The following PRR12 variants were observed in gnomAD, a reference collection of about 807,000 sequenced individuals.
PRR12 encodes proline rich 12.
A neutral mutation model predicts 138.0 loss-of-function variants in PRR12; 12 were observed. The ratio of observed to expected loss-of-function variants is 0.09; its 90% CI spans 0.06 to 0.14. The LOEUF (loss-of-function observed/expected upper bound fraction) is 0.14. Among genes scored for constraint, PRR12 ranks in the 10% least tolerant of loss-of-function variants. The probability of loss-of-function intolerance (pLI) is 1.00; values close to 1 mark genes in which losing one functional copy is unlikely to be tolerated. For missense variants in PRR12, 2,692 were observed against 2,861.3 expected, an observed-to-expected ratio of 0.94 and a Z score of 1.35; for synonymous variants, 1,567 against 1,291.7, an observed-to-expected ratio of 1.21 and a Z score of -4.57.
rs1419855208 is a variant in PRR12 at position 49,597,475 on chromosome 19, C to T, written c.3140C>T (p.Pro1047Leu). 2 of 1,544,988 alleles carry T rather than the reference C, an allele frequency of 1.3e-6. No individual in the cohort carries two copies. Among genetic ancestry groups the T allele is most frequent in the Non-Finnish European group, 1.7e-6 (2 of 1,146,832 alleles). ...CCACCACCCCCGCCTCCGCCACCGC[C>T]GCCTCCCGCGCCGGCCTCCGAACCC... ...AAPPPPPPPP[P>L]PPAPASEPKG... The change falls in exon 4 of 14, where the codon CCG (proline) becomes CTG (leucine). Residue 1047 changes from proline to leucine, a missense_variant. Physicochemically the swap from Pro to Leu is moderately conservative, Grantham distance 98 (BLOSUM62 -3). Coordinates refer to ENST00000418929, the MANE Select transcript of PRR12 (RefSeq NM_020719.3). The surrounding 1 kb of genome is among the most constrained non-coding windows in gnomAD (Gnocchi z 6.3).
At position 49,595,550 on chromosome 19, in the gene PRR12, GC is replaced by G. The variant is rs763575972; in HGVS notation, c.1223del (p.Pro408HisfsTer62). 8.8e-6 allele frequency: 14 copies of G among 1,582,380 alleles called. No homozygotes were observed. Among genetic ancestry groups the G allele is most frequent in the East Asian group, 6.9e-5 (3 of 43,190 alleles). ...YGAAAGGATR[P>X]PPPRSTATPK... is the part of the protein sequence containing the mutation. ...GAGCAGCTGCCGGGGGTGCCACCAG[GC>G]CCCCCCCACCCCGTTCGACCGCCAC... On this transcript the variant is annotated frameshift_variant, in exon 4 of 14. Transcript: ENST00000418929. LOFTEE classifies it high-confidence loss of function.
At chr19:49,621,835 C>G (rs1389743147) in intron 11 of PRR12, 5 of 568,186 alleles carry the variant, frequency 8.8e-6, no homozygotes, top group Non-Finnish European at 1.6e-5. Flanking sequence ...GGCCTTGGGG[C>G]AGCAGAGGGG....
At chr19:49,620,193 C>T (rs1040094825) in intron 9 of PRR12, among the ~76,000 whole-genome samples, 159 bp from the exon 10 acceptor site, 4 of 152,158 alleles carry the variant, frequency 2.6e-5, no homozygotes, top group Non-Finnish European at 4.4e-5. Flanking sequence ...CACAAGAGCA[C>T]GTGGCACTGG....
chr19:49,600,383 T>C (rs560552930), intron 5 of PRR12, among the ~76,000 whole-genome samples: 1 of 151,806 alleles, frequency 6.6e-6, no homozygotes, highest in African/African-American at 2.4e-5. Flanking sequence ...TAGGTTGTGC[T>C]CTGGTTTTGG....
chr19:49,594,320 G>T lies in PRR12; in HGVS notation c.200-134G>T. On this transcript the variant is annotated intron_variant, in intron 2 of 13. Coordinates refer to ENST00000418929, the MANE Select transcript of PRR12 (RefSeq NM_020719.3). This position sits in a 1 kb window ranked among gnomAD's most constrained non-coding sequence, Gnocchi z 5.6. The stretch of plus-strand genomic sequence containing the variant: ...TCATTAGCTTGGTTCTATCCATCTT[G>T]TTTTTGAATTTGCCCTTTTCTCTCC... 1 of 746,672 alleles carries T rather than the reference G, an allele frequency of 1.3e-6. No individual in the cohort carries two copies. The highest frequency in any genetic ancestry group is 2.0e-5 in the South Asian group (1 of 50,466). The allele number at this position is 746,672 out of a possible 1,614,324, so 46.3% of individuals were successfully genotyped here. A position where few individuals can be genotyped will look rare whatever the true frequency, so the allele number is the denominator to read the frequency against.
intron 6 of PRR12, among the ~76,000 whole-genome samples, chr19:49,605,355 C>T (rs903677619): frequency 6.6e-6 from 1 of 151,994 alleles, no homozygotes; most frequent in African/African-American, 2.4e-5. Context: ...CTCCACCTCC[C>T]GGGTTCAAGC....
chr19:49,611,003 C>T (rs894912852), intron 6 of PRR12, among the ~76,000 whole-genome samples: 2 of 150,512 alleles, frequency 1.3e-5, no homozygotes, highest in African/African-American at 2.5e-5. Context: ...CCATCATGCC[C>T]GGCTAATTTT....
chr19:49,599,873 C>A lies in PRR12; in HGVS notation c.4280C>A (p.Ala1427Glu), dbSNP rs771665064. 2 of 1,612,726 alleles carry A rather than the reference C, an allele frequency of 1.2e-6. No individual in the cohort carries two copies. The highest frequency in any genetic ancestry group is 2.2e-5 in the South Asian group (2 of 91,056). Residue 1427 changes from alanine (A) to glutamate (E), a missense_variant, in exon 5 of 14, where the codon GCG (alanine) becomes GAG (glutamate). Around this residue, in one of 11 missense-constraint regions of PRR12, gnomAD observed 231 missense variants for 200.8 expected, o/e 1.15. Coordinates refer to ENST00000418929, the MANE Select transcript of PRR12 (RefSeq NM_020719.3). This position sits in a 1 kb window ranked among gnomAD's most constrained non-coding sequence, Gnocchi z 5.0. ...CCAGATGGGCCGCCCTTGGCCCCCG[C>A]GGCTGCAGTTCCAGGGCCACCCCCT... The part of the protein sequence containing the change: ...STPDGPPLAP[A>E]AAVPGPPPLP...
chr19:49,605,366 G>A (rs556734207), intron 6 of PRR12, among the ~76,000 whole-genome samples: 7 of 151,876 alleles, frequency 4.6e-5, no homozygotes, highest in Non-Finnish European at 1.5e-5. Context: ...GGGTTCAAGC[G>A]ATTCTCCTGC....
At position 49,594,560 on chromosome 19, in the gene PRR12, T is replaced by C. The variant is rs1201757819; in HGVS notation, c.306T>C (p.Pro102=). The change falls in exon 3 of 14, where the codon CCT becomes CCC. Residue 102 remains proline, a synonymous_variant. Transcript: ENST00000418929. This position sits in a 1 kb window ranked among gnomAD's most constrained non-coding sequence, Gnocchi z 5.6. The part of the protein sequence containing the change: ...ISALESRGPQ[P]GPSASSLLSQ... ...CCCTGGAATCCCGGGGCCCCCAGCC[T>C]GGCCCCTCCGCCTCCTCTCTCCTCT... is the stretch of plus-strand genomic sequence containing the variant. 1.2e-6 allele frequency: 2 copies of C among 1,612,730 alleles called. No individual in the cohort carries two copies. The highest frequency in any genetic ancestry group is 8.5e-7 in the Non-Finnish European group (1 of 1,179,460).
At position 49,594,348 on chromosome 19, in the gene PRR12, TCCC is replaced by T; in HGVS notation, c.200-104_200-102del. On this transcript the variant is annotated intron_variant, in intron 2 of 13. Transcript: ENST00000418929. The surrounding 1 kb of genome is among the most constrained non-coding windows in gnomAD (Gnocchi z 5.6). ...TTTGAATTTGCCCTTTTCTCTCCCA[TCCC>T]CTCCTTTTCCTGATCCAACTTGCTT... is the stretch of plus-strand genomic sequence containing the variant. 1 of 1,130,312 alleles carries T rather than the reference TCCC, an allele frequency of 8.8e-7. No individual in the cohort carries two copies. Among genetic ancestry groups the T allele is most frequent in the Non-Finnish European group, 1.2e-6 (1 of 801,110 alleles). The allele number at this position is 1,130,312 out of a possible 1,614,324, so 70.0% of individuals were successfully genotyped here. A position where few individuals can be genotyped will look rare whatever the true frequency, so the allele number is the denominator to read the frequency against.
chr19:49,595,388 C>T lies in PRR12; in HGVS notation c.1053C>T (p.Pro351=), dbSNP rs953657681. 11 of 1,541,742 alleles carry T rather than the reference C, an allele frequency of 7.1e-6. 1 individual carries two copies. In the African/African-American group the frequency reaches 1.1e-4, roughly 15 times the overall value. Residue 351 remains proline, a synonymous_variant, in exon 4 of 14, where the codon CCC becomes CCT. Transcript: ENST00000418929. ...PGAGEPSKAG[P]SGATAGASGR... is the part of the protein sequence containing the mutation. ...CTGGGGAGCCTAGCAAGGCTGGTCC[C>T]AGCGGAGCCACGGCTGGGGCATCTG...
At chr19:49,612,177 C>A (rs1322350614) in intron 6 of PRR12, among the ~76,000 whole-genome samples, 1 of 149,948 alleles carries the variant, frequency 6.7e-6, no homozygotes, top group Non-Finnish European at 1.5e-5. Context: ...TTGCAGTGAG[C>A]CGAGATTGCG....
intron 5 of PRR12, among the ~76,000 whole-genome samples, chr19:49,600,729 A>C (rs183443105): frequency 2.4e-4 from 36 of 150,944 alleles, no homozygotes; most frequent in Non-Finnish European, 3.7e-4. Context: ...GGGTCTCTCT[A>C]TGTCACCCAG....
chr19:49,596,945 C>A lies in PRR12; in HGVS notation c.2610C>A (p.Pro870=). Reference sequence around the variant, plus strand: ...CGGCCCCCAGCCCCCGCCTGCGACCCGAGGAGAGCCTGGATCCGCCAGGCG... The same window carrying A: ...CGGCCCCCAGCCCCCGCCTGCGACCAGAGGAGAGCCTGGATCCGCCAGGCG... ...EPAAPSPRLR[P]EESLDPPGAM... is the part of the protein sequence containing the mutation. Residue 870 remains proline, a synonymous_variant, in exon 4 of 14, where the codon CCC becomes CCA. Transcript: ENST00000418929. This position sits in a 1 kb window ranked among gnomAD's most constrained non-coding sequence, Gnocchi z 5.6. 1 of 1,550,514 alleles carries A rather than the reference C, an allele frequency of 6.4e-7. No individual in the cohort carries two copies. Among genetic ancestry groups the A allele is most frequent in the Non-Finnish European group, 8.7e-7 (1 of 1,153,674 alleles).
rs760804056 is a variant in PRR12, at chr19:49,595,547, C to T, written c.1212C>T (p.Thr404=). 3 of 1,583,132 alleles carry T rather than the reference C, an allele frequency of 1.9e-6. No individual in the cohort carries two copies. Among genetic ancestry groups the T allele is most frequent in the East Asian group, 2.3e-5 (1 of 43,200 alleles). The change falls in exon 4 of 14, where the codon ACC becomes ACT. Residue 404 remains threonine (T), a synonymous_variant. Coordinates refer to ENST00000418929, the MANE Select transcript of PRR12 (RefSeq NM_020719.3). ...GGYGAAAGGA[T]RPPPPRSTAT... ...ATGGAGCAGCTGCCGGGGGTGCCAC[C>T]AGGCCCCCCCCACCCCGTTCGACCG...
chr19:49,605,555 C>T (rs551527777), intron 6 of PRR12, among the ~76,000 whole-genome samples: 69 of 152,370 alleles, frequency 4.5e-4, no homozygotes, highest in Non-Finnish European at 7.2e-4. Context: ...AGCCACTGCG[C>T]CCAGCCAGGA....
Position 49,591,599 on chromosome 19 carries a change from G to A in PRR12, c.-56G>A. On this transcript the variant is annotated 5_prime_UTR_variant, in exon 1 of 14. Coordinates refer to ENST00000418929, the MANE Select transcript of PRR12 (RefSeq NM_020719.3). ...CGGCGGCGGAGGAGAGCGCGCGCGC[G>A]CCCCCTCCCTCCCTCCCTCCCTCCC... 2.4e-6 allele frequency: 1 copy of A among 416,632 alleles called. No homozygotes were observed. The highest frequency in any genetic ancestry group is 4.5e-6 in the Non-Finnish European group (1 of 224,332). The allele number at this position is 416,632 out of a possible 1,614,324, so 25.8% of individuals were successfully genotyped here.
intron 1 of PRR12, 41 bp downstream of exon 1, chr19:49,591,781 T>C: frequency 7.8e-7 from 1 of 1,278,174 alleles, no homozygotes. Context: ...GGCCAAGGGG[T>C]GGGAGCCCAG....
Sources: gnomAD v4.1 joint callset for allele counts (sites outside exome capture counted in the v4.1 genomes callset) on GRCh38, gnomAD v4.1.1 for gene constraint, gnomAD v4.1.1 regional missense constraint, Gnocchi (gnomAD v3.1) non-coding constraint, MANE v1.5 for transcripts, NCBI Gene and HGNC (gene_info 2026-07-23, HGNC 2026-07-21) for gene names.